The following BLTP3B variants were observed in gnomAD, a reference collection of about 807,000 sequenced individuals.
BLTP3B encodes the protein bridge-like lipid transfer protein family member 3B.
chr12:100,050,256 A>C, the BLTP3B span: 7 of 1,611,724 alleles, frequency 4.3e-6, no homozygotes, highest in South Asian at 7.7e-5. Context: ...AGATTTCTGT[A>C]TCTTCCCCTC....
At chr12:100,107,823 C>T in the BLTP3B span, among the ~76,000 whole-genome samples, 5 of 152,210 alleles carry the variant, frequency 3.3e-5, no homozygotes, top group Non-Finnish European at 5.9e-5. Flanking sequence ...CAGCCTCACC[C>T]TTCCAGACTC....
At chr12:100,073,340 A>G in the BLTP3B span, among the ~76,000 whole-genome samples, 1 of 151,566 alleles carries the variant, frequency 6.6e-6, no homozygotes, top group Non-Finnish European at 1.5e-5. Context: ...CAATTATTAT[A>G]TAATATATAG....
the BLTP3B span, chr12:100,142,453 C>T: frequency 1.1e-6 from 1 of 930,390 alleles, no homozygotes. Flanking sequence ...GCCGCGACCT[C>T]TGCCCCGGCC....
At chr12:100,053,168 G>A in the BLTP3B span, among the ~76,000 whole-genome samples, 1 of 151,936 alleles carries the variant, frequency 6.6e-6, no homozygotes, top group Non-Finnish European at 1.5e-5. Flanking sequence ...ACTTTGGGAG[G>A]CTGAGGCGGG....
At chr12:100,090,629 T>C in the BLTP3B span, among the ~76,000 whole-genome samples, 1 of 152,166 alleles carries the variant, frequency 6.6e-6, no homozygotes, top group African/African-American at 2.4e-5. Context: ...AAAGTATACT[T>C]AGTAAATGAG....
the BLTP3B span, chr12:100,083,018 G>C: frequency 1.2e-6 from 2 of 1,608,060 alleles, no homozygotes; most frequent in Non-Finnish European, 1.7e-6. Flanking sequence ...AAACATACCT[G>C]GTATATATTG....
chr12:100,107,289 C>CAAA, the BLTP3B span, among the ~76,000 whole-genome samples: 17 of 35,326 alleles, frequency 4.8e-4, no homozygotes, highest in Admixed American at 1.4e-3. Flanking sequence ...CTCCATCTCC[C>CAAA]AAAAAAAAAA....
chr12:100,139,977 T>C, the BLTP3B span, among the ~76,000 whole-genome samples: 948 of 152,358 alleles, frequency 6.2e-3, 8 homozygotes, highest in Non-Finnish European at 0.01. Flanking sequence ...ACATGATGTC[T>C]AGTATTAGAA....
the BLTP3B span, among the ~76,000 whole-genome samples, chr12:100,096,690 G>A: frequency 1.3e-5 from 2 of 151,950 alleles, no homozygotes; most frequent in African/African-American, 4.8e-5. Flanking sequence ...GCATGGTGGT[G>A]CATGCCTGTA....
At chr12:100,083,411 T>C in the BLTP3B span, among the ~76,000 whole-genome samples, 2 of 151,714 alleles carry the variant, frequency 1.3e-5, no homozygotes, top group East Asian at 1.9e-4. Context: ...TACATAGAAG[T>C]AGAAAGTGAA....
the BLTP3B span, among the ~76,000 whole-genome samples, chr12:100,135,173 A>G: frequency 6.6e-6 from 1 of 152,030 alleles, no homozygotes; most frequent in African/African-American, 2.4e-5. Flanking sequence ...TGGTCTTCGT[A>G]TGTTTTCAAA....
chr12:100,111,687 C>T, the BLTP3B span, among the ~76,000 whole-genome samples: 1 of 152,084 alleles, frequency 6.6e-6, no homozygotes, highest in African/African-American at 2.4e-5. Flanking sequence ...CTCATTGCAA[C>T]CTCTGCCTTC....
At chr12:100,060,251 T>C in the BLTP3B span, among the ~76,000 whole-genome samples, 11 of 152,126 alleles carry the variant, frequency 7.2e-5, no homozygotes, top group African/African-American at 2.7e-4. Flanking sequence ...ACTGAAAAAA[T>C]GTTTTAATAT....
the BLTP3B span, among the ~76,000 whole-genome samples, chr12:100,054,820 C>A: frequency 1.3e-5 from 2 of 152,134 alleles, no homozygotes; most frequent in African/African-American, 4.8e-5. Flanking sequence ...GTCAGACTAG[C>A]TGACAACTCT....
At chr12:100,061,772 T>C in the BLTP3B span, among the ~76,000 whole-genome samples, 1 of 151,996 alleles carries the variant, frequency 6.6e-6, no homozygotes, top group East Asian at 1.9e-4. Flanking sequence ...AAACTTTGAA[T>C]ATTCTGATAT....
At chr12:100,082,911 C>A in the BLTP3B span, 1 of 803,902 alleles carries the variant, frequency 1.2e-6, no homozygotes, top group South Asian at 1.9e-5. Context: ...ATTTCATAAA[C>A]CTTGTAAAGA....
At chr12:100,064,869 T>TA in the BLTP3B span, among the ~76,000 whole-genome samples, 28 of 126,664 alleles carry the variant, frequency 2.2e-4, no homozygotes, top group Non-Finnish European at 2.6e-4. Flanking sequence ...AAACAAAAAT[T>TA]AAAAAAAAAA....
At chr12:100,106,581 T>C in the BLTP3B span, among the ~76,000 whole-genome samples, 12 of 152,016 alleles carry the variant, frequency 7.9e-5, 1 homozygote, top group South Asian at 1.2e-3. Flanking sequence ...AGTGGCATAA[T>C]GGACTTTGAA....
the BLTP3B span, among the ~76,000 whole-genome samples, chr12:100,139,579 A>G: frequency 1.3e-5 from 2 of 152,270 alleles, no homozygotes; most frequent in African/African-American, 4.8e-5. Context: ...TGATTCAATT[A>G]CTCACTGCCT....
Sources: gnomAD v4.1 joint callset for allele counts (sites outside exome capture counted in the v4.1 genomes callset) on GRCh38, gnomAD v4.1.1 for gene constraint, MANE v1.5 for transcripts, NCBI Gene and HGNC (gene_info 2026-07-23, HGNC 2026-07-21) for gene names.